GRIN2B: variants seen among roughly 807,000 people sequenced by gnomAD.
The protein encoded by GRIN2B is glutamate ionotropic receptor NMDA type subunit 2B, also known as glutamate receptor ionotropic, NMDA 2B.
In GRIN2B, 5 loss-of-function variants were observed where a neutral mutation model predicts 114.5. The observed-to-expected ratio is 0.04, with a 90% confidence interval of 0.02 to 0.09. GRIN2B has a LOEUF of 0.09. Among genes scored for constraint, GRIN2B ranks in the 10% least tolerant of loss-of-function variants. The probability of loss-of-function intolerance (pLI) is 1.00; values close to 1 mark genes in which losing one functional copy is unlikely to be tolerated. For missense variants in GRIN2B, 1,108 were observed against 1,943.5 expected, an observed-to-expected ratio of 0.57 and a Z score of 8.08; for synonymous variants, 787 against 745.1, an observed-to-expected ratio of 1.06 and a Z score of -0.92.
chr12:13,767,153 T>C (rs1863809195), intron 3 of GRIN2B, among the ~76,000 whole-genome samples: 1 of 149,928 alleles, frequency 6.7e-6, no homozygotes, highest in Non-Finnish European at 1.5e-5. Flanking sequence ...CCAGCTACTC[T>C]GGAGGCTGAG....
intron 13 of GRIN2B, among the ~76,000 whole-genome samples, chr12:13,566,813 A>G (rs1948646736): frequency 6.6e-6 from 1 of 152,224 alleles, no homozygotes; most frequent in African/African-American, 2.4e-5. Context: ...TCCCACACAG[A>G]AAGCTGTTTC....
intron 3 of GRIN2B, among the ~76,000 whole-genome samples, chr12:13,855,865 G>A (rs1023099491): frequency 1.8e-4 from 28 of 152,298 alleles, no homozygotes; most frequent in African/African-American, 6.5e-4. Context: ...TGTGTATAGA[G>A]TGCACAGTTT....
chr12:13,898,337 T>C (rs544738110), intron 2 of GRIN2B, among the ~76,000 whole-genome samples: 1 of 152,350 alleles, frequency 6.6e-6, no homozygotes, highest in South Asian at 2.1e-4. Flanking sequence ...TGCTGTGTGA[T>C]TTACACATAT....
At chr12:13,891,607 CACA>C (rs1280284339) in intron 2 of GRIN2B, among the ~76,000 whole-genome samples, 1 of 118,692 alleles carries the variant, frequency 8.4e-6, no homozygotes, top group Non-Finnish European at 1.8e-5. Context: ...AATGTGGCCA[CACA>C]ACCTTTCTAA....
chr12:13,680,629 C>A (rs920237849), intron 4 of GRIN2B, among the ~76,000 whole-genome samples: 1 of 152,078 alleles, frequency 6.6e-6, no homozygotes, highest in Non-Finnish European at 1.5e-5. Flanking sequence ...AGAGAACCTT[C>A]ATTTTAGAGA....
At chr12:13,581,554 G>A (rs1420658924) in intron 10 of GRIN2B, among the ~76,000 whole-genome samples, 1 of 152,192 alleles carries the variant, frequency 6.6e-6, no homozygotes. Context: ...CTCCTTCACT[G>A]TTCCATGGCC....
chr12:13,931,981 T>C (rs972474542), intron 2 of GRIN2B, among the ~76,000 whole-genome samples: 1 of 152,182 alleles, frequency 6.6e-6, no homozygotes, highest in Non-Finnish European at 1.5e-5. Flanking sequence ...GATTAAAACA[T>C]AAAAAGACAA....
intron 4 of GRIN2B, among the ~76,000 whole-genome samples, chr12:13,712,331 T>C (rs933446943): frequency 2.6e-5 from 4 of 152,018 alleles, no homozygotes; most frequent in Non-Finnish European, 5.9e-5. Context: ...TATACATATG[T>C]AACAAACCTG....
Position 13,546,601 on chromosome 12 carries a change from CA to C in GRIN2B, c.*16181del, listed in dbSNP as rs1250590798. On this transcript the variant is annotated 3_prime_UTR_variant, in exon 14 of 14. Transcript: ENST00000609686. ...AGAACCAAGCTTTTTGTCTGCTTGT[CA>C]CTGAATCTATTTCCCATTCAACCTT... The C allele has an allele frequency of 1.3e-5, 2 of 152,146 alleles. No homozygotes were observed. Among genetic ancestry groups the C allele is most frequent in the Non-Finnish European group, 2.9e-5 (2 of 68,034 alleles). The allele number at this position is 152,146 out of a possible 1,614,324, so 9.4% of individuals were successfully genotyped here. A position where few individuals can be genotyped will look rare whatever the true frequency, so the allele number is the denominator to read the frequency against.
At chr12:13,818,962 C>T (rs1219106730) in intron 3 of GRIN2B, among the ~76,000 whole-genome samples, 1 of 152,184 alleles carries the variant, frequency 6.6e-6, no homozygotes, top group Non-Finnish European at 1.5e-5. Context: ...TTTCCAACAC[C>T]TATGAGAGCT....
At chr12:13,735,028 A>G (rs947759085) in intron 4 of GRIN2B, among the ~76,000 whole-genome samples, 5 of 152,204 alleles carry the variant, frequency 3.3e-5, no homozygotes, top group Non-Finnish European at 7.4e-5. Flanking sequence ...AGATAAGCCC[A>G]ATTATGAAGG....
intron 3 of GRIN2B, among the ~76,000 whole-genome samples, chr12:13,817,271 T>C (rs1864842563): frequency 6.6e-6 from 1 of 152,142 alleles, no homozygotes; most frequent in Admixed American, 6.5e-5. Flanking sequence ...CAGACAGCGG[T>C]GCAGTGGTCC....
intron 4 of GRIN2B, among the ~76,000 whole-genome samples, chr12:13,697,980 T>C (rs573264517): frequency 6.6e-6 from 1 of 152,348 alleles, no homozygotes; most frequent in Non-Finnish European, 1.5e-5. Context: ...AGACCCCACC[T>C]GCTCTTCTCC....
chr12:13,793,178 G>A lies in GRIN2B; in HGVS notation c.412-39263C>T, dbSNP rs182526735. Among the ~76,000 whole-genome samples, 418 of 152,142 alleles carry A rather than the reference G, an allele frequency of 2.7e-3. 1 individual carries two copies. The highest frequency in any genetic ancestry group is 5.6e-3 in the South Asian group (27 of 4,808). ...TCCCAGCACTTTGGGAGGCCGAGGC[G>A]AGCAGATGGCATGAGGCCAGGAGCT... On this transcript the variant is annotated intron_variant, in intron 3 of 13. Coordinates refer to ENST00000609686, the MANE Select transcript of GRIN2B (RefSeq NM_000834.5).
intron 3 of GRIN2B, among the ~76,000 whole-genome samples, chr12:13,789,630 T>C (rs1057106902): frequency 2.6e-5 from 4 of 152,212 alleles, no homozygotes; most frequent in African/African-American, 9.7e-5. Context: ...ATAATAATTA[T>C]GCTCATGTAA....
At chr12:13,733,171 T>C (rs370912592) in intron 4 of GRIN2B, among the ~76,000 whole-genome samples, 3 of 152,172 alleles carry the variant, frequency 2.0e-5, no homozygotes, top group South Asian at 4.2e-4. Flanking sequence ...TTCCCCTGAG[T>C]TGGAGAAAAC....
intron 2 of GRIN2B, among the ~76,000 whole-genome samples, chr12:13,947,195 C>G (rs219918): frequency 0.95 from 143,914 of 152,276 alleles, 68,202 homozygotes; most frequent in East Asian, 1. Context: ...CAGAACTTCT[C>G]AAACACTTTA....
At chr12:13,975,590 C>T (rs1308238673) in intron 2 of GRIN2B, among the ~76,000 whole-genome samples, 2 of 152,188 alleles carry the variant, frequency 1.3e-5, no homozygotes, top group East Asian at 3.8e-4. Context: ...TTAACCCTTC[C>T]TAAACCCAAC....
At chr12:13,730,983 C>A (rs1219221827) in intron 4 of GRIN2B, among the ~76,000 whole-genome samples, 5 of 152,172 alleles carry the variant, frequency 3.3e-5, no homozygotes, top group African/African-American at 1.2e-4. Flanking sequence ...CCTGTCTCCA[C>A]CAGGCCTGTG....
Sources: gnomAD v4.1 joint callset for allele counts (sites outside exome capture counted in the v4.1 genomes callset) on GRCh38, gnomAD v4.1.1 for gene constraint, MANE v1.5 for transcripts, NCBI Gene and HGNC (gene_info 2026-07-23, HGNC 2026-07-21) for gene names.